Variants in TMEM119 observed in about 807,000 individuals in gnomAD.
TMEM119 encodes the protein transmembrane protein 119.
For synonymous variants in TMEM119, 182 were observed against 176.4 expected, an observed-to-expected ratio of 1.03 and a Z score of -0.25; for missense variants, 410 against 381.0, an observed-to-expected ratio of 1.08 and a Z score of -0.63.
chr12:108,592,255 C>T lies in TMEM119; in HGVS notation c.129G>A (p.Glu43=), dbSNP rs74504010. 288,667 of 1,589,990 alleles carry T rather than the reference C, an allele frequency of 0.18. 28,031 individuals are homozygous for T. Among genetic ancestry groups the T allele is most frequent in the East Asian group, 0.34 (14,866 of 43,468 alleles). Residue 43 remains glutamate (E), a synonymous_variant, in exon 2 of 2, where the codon GAG becomes GAA. Transcript: ENST00000392806. This position sits in a 1 kb window ranked among gnomAD's most constrained non-coding sequence, Gnocchi z 4.3. The part of the protein sequence containing the change: ...TFLEDVAGSG[E]AEGSSASSPS... The stretch of plus-strand genomic sequence containing the variant: ...GGGAGGAGGCCGACGAGCCCTCGGC[C>T]TCCCCACTACCCGCCACATCCTCCA...
At chr12:108,596,571 G>T (rs558864778) in intron 1 of TMEM119, among the ~76,000 whole-genome samples, 2 of 152,350 alleles carry the variant, frequency 1.3e-5, no homozygotes, top group East Asian at 3.9e-4. Context: ...TCCAGGGAAA[G>T]GTGGGGGCAA....
In TMEM119 at chr12:108,592,097, A is replaced by G; in HGVS notation, c.287T>C (p.Met96Thr). 4 of 1,614,180 alleles carry G rather than the reference A, an allele frequency of 2.5e-6. No homozygotes were observed. The highest frequency in any genetic ancestry group is 2.2e-5 in the South Asian group (2 of 91,088). ...CAGGGAGCCCACCACAGCAATCAGCATCACGTACTGGCGGAAGAAGTCCAC... is the reference window on the plus strand; with the variant it reads ...CAGGGAGCCCACCACAGCAATCAGCGTCACGTACTGGCGGAAGAAGTCCAC... Reference protein sequence around the residue: ...GIVDFFRQYVMLIAVVGSLAF... With the variant: ...GIVDFFRQYVTLIAVVGSLAF... Residue 96 changes from methionine to threonine, a missense_variant, in exon 2 of 2, where the codon ATG becomes ACG. Transcript: ENST00000392806. The surrounding 1 kb of genome is among the most constrained non-coding windows in gnomAD (Gnocchi z 4.3).
At chr12:108,596,429 AACACACAC>A (rs34838480) in intron 1 of TMEM119, among the ~76,000 whole-genome samples, 8 of 150,436 alleles carry the variant, frequency 5.3e-5, no homozygotes, top group Admixed American at 1.3e-4. Context: ...ATATACATAC[AACACACAC>A]ACACACACAC....
chr12:108,593,835 C>T (rs539388347), intron 1 of TMEM119, among the ~76,000 whole-genome samples: 1 of 152,344 alleles, frequency 6.6e-6, no homozygotes, highest in Admixed American at 6.5e-5. Context: ...CTGGGGGCTC[C>T]CAGCTGCTCA....
In TMEM119 at chr12:108,594,010, G is replaced by A. The variant is rs573799953; in HGVS notation, c.-14-1613C>T. Among the ~76,000 whole-genome samples, 15 of 152,314 alleles carry A rather than the reference G, an allele frequency of 9.8e-5. No individual in the cohort carries two copies. In the South Asian group the frequency reaches 2.5e-3, roughly 25 times the overall value. On this transcript the variant is annotated intron_variant, in intron 1 of 1. Transcript: ENST00000392806. The stretch of plus-strand genomic sequence containing the variant: ...AACTGAGGTGGAGAGACAGAGGCCC[G>A]GAGAAGGCAAAGGGCAGGCCCAGGG...
rs767490605 is a variant in TMEM119, at chr12:108,591,617, G to C, written c.767C>G (p.Ser256Cys). ...AGEGQGELEG[S>C]LLLAQEAQGP... ...CTGGGCTTCCTGGGCTAACAAGAGAGACCCTTCCAGCTCCCCTTGGCCCTC... is the reference window on the plus strand; with the variant it reads ...CTGGGCTTCCTGGGCTAACAAGAGACACCCTTCCAGCTCCCCTTGGCCCTC... Residue 256 changes from serine to cysteine, a missense_variant, in exon 2 of 2, where the codon TCT (serine) becomes TGT (cysteine). Physicochemically the swap from Ser to Cys is moderately radical, Grantham distance 112. Transcript: ENST00000392806. This position sits in a 1 kb window ranked among gnomAD's most constrained non-coding sequence, Gnocchi z 4.2. 8.1e-6 allele frequency: 13 copies of C among 1,613,920 alleles called. No homozygotes were observed. The South Asian group carries it at 1.3e-4, about 16-fold the overall frequency.
intron 1 of TMEM119, among the ~76,000 whole-genome samples, chr12:108,593,566 C>T (rs2031455138): frequency 6.6e-6 from 1 of 152,214 alleles, no homozygotes; most frequent in South Asian, 2.1e-4. Flanking sequence ...CACCCCCAGG[C>T]TCCAAGCAGG....
chr12:108,596,429 A>AACAC (rs34838480), intron 1 of TMEM119, among the ~76,000 whole-genome samples: 27,794 of 150,356 alleles, frequency 0.18, 3,467 homozygotes, highest in East Asian at 0.6. Context: ...ATATACATAC[A>AACAC]ACACACACAC....
chr12:108,595,734 G>A (rs1015331264), intron 1 of TMEM119, among the ~76,000 whole-genome samples: 7 of 151,968 alleles, frequency 4.6e-5, no homozygotes, highest in Admixed American at 2.0e-4. Flanking sequence ...GCTTGTTCCC[G>A]CTGGTGGACA....
rs1592804855 is a variant in TMEM119, at chr12:108,591,643, A to C, written c.741T>G (p.Gly247=). ...ACCCTTCCAGCTCCCCTTGGCCCTCACCGGCCACCACAGCCCCCTCAAGGA... is the reference window on the plus strand; with the variant it reads ...ACCCTTCCAGCTCCCCTTGGCCCTCCCCGGCCACCACAGCCCCCTCAAGGA... ...SGVLEGAVVA[G]EGQGELEGSL... The change falls in exon 2 of 2, where the codon GGT becomes GGG. Residue 247 remains glycine (G), a synonymous_variant. Transcript: ENST00000392806. The surrounding 1 kb of genome is among the most constrained non-coding windows in gnomAD (Gnocchi z 4.2). The C allele has an allele frequency of 6.2e-7, 1 of 1,613,824 alleles. No homozygotes were observed. The highest frequency in any genetic ancestry group is 8.5e-7 in the Non-Finnish European group (1 of 1,179,926).
At position 108,597,991 on chromosome 12, in the gene TMEM119, T is replaced by C. The variant is rs892340653; in HGVS notation, c.-36A>G. 1 of 152,504 alleles carries C rather than the reference T, an allele frequency of 6.6e-6. No individual in the cohort carries two copies. Among genetic ancestry groups the C allele is most frequent in the African/African-American group, 2.4e-5 (1 of 41,572 alleles). 9.4% of individuals were successfully genotyped at this position (152,504 alleles called of 1,614,324 possible). ...TCACCAGTTCCTTGGCGTACAGGAC[T>C]GGGTGCTCCCGCCGAATGGAGCGAG... is the stretch of plus-strand genomic sequence containing the variant. On this transcript the variant is annotated 5_prime_UTR_variant, in exon 1 of 2. Transcript: ENST00000392806.
chr12:108,592,453 C>A lies in TMEM119; in HGVS notation c.-14-56G>T. 6.8e-7 allele frequency: 1 copy of A among 1,479,830 alleles called. No individual in the cohort carries two copies. The highest frequency in any genetic ancestry group is 1.3e-5 in the South Asian group (1 of 74,414). 91.7% of individuals were successfully genotyped at this position (1,479,830 alleles called of 1,614,324 possible). ...GGCGGAACTCTAGAGTGTCAGGATT[C>A]AGAAACAGGCTCACCAGCCCCCAGG... On this transcript the variant is annotated intron_variant, in intron 1 of 1. Transcript: ENST00000392806. This position sits in a 1 kb window ranked among gnomAD's most constrained non-coding sequence, Gnocchi z 4.3.
chr12:108,593,717 C>T (rs1287081537), intron 1 of TMEM119, among the ~76,000 whole-genome samples: 1 of 152,244 alleles, frequency 6.6e-6, no homozygotes, highest in Non-Finnish European at 1.5e-5. Context: ...CGGGTGAACC[C>T]CAAGACCCCA....
Position 108,591,886 on chromosome 12 carries a change from C to T in TMEM119, c.498G>A (p.Leu166=). The T allele has an allele frequency of 4.3e-6, 7 of 1,611,528 alleles. No individual in the cohort carries two copies. The South Asian group carries it at 7.7e-5, about 18-fold the overall frequency. ...CGGCCTGGAGCTGCCGGGAGGAATC[C>T]AGGGCTTCCTCGGGCCTGCTGTCGG... ...RAPDSRPEEA[L]DSSRQLQADI... Residue 166 remains leucine, a synonymous_variant, in exon 2 of 2, where the codon CTG becomes CTA. Coordinates refer to ENST00000392806, the MANE Select transcript of TMEM119 (RefSeq NM_181724.3). This position sits in a 1 kb window ranked among gnomAD's most constrained non-coding sequence, Gnocchi z 4.2.
chr12:108,592,485 A>C lies in TMEM119; in HGVS notation c.-14-88T>G. The C allele has an allele frequency of 6.5e-6, 9 of 1,394,810 alleles. No homozygotes were observed. The highest frequency in any genetic ancestry group is 7.6e-6 in the Non-Finnish European group (8 of 1,054,702). The allele number at this position is 1,394,810 out of a possible 1,614,324, so 86.4% of individuals were successfully genotyped here. A position where few individuals can be genotyped will look rare whatever the true frequency, so the allele number is the denominator to read the frequency against. ...AGGCTCACCAGCCCCCAGGAGGAACAGGGAGCATGAAACACCTTCTAGCAA... is the reference window on the plus strand; with the variant it reads ...AGGCTCACCAGCCCCCAGGAGGAACCGGGAGCATGAAACACCTTCTAGCAA... On this transcript the variant is annotated intron_variant, in intron 1 of 1. Coordinates refer to ENST00000392806, the MANE Select transcript of TMEM119 (RefSeq NM_181724.3). The surrounding 1 kb of genome is among the most constrained non-coding windows in gnomAD (Gnocchi z 4.3).
chr12:108,595,369 G>T (rs572760347), intron 1 of TMEM119, among the ~76,000 whole-genome samples: 1,203 of 114,118 alleles, frequency 0.011, 17 homozygotes, highest in African/African-American at 0.04. Flanking sequence ...ATACACACAT[G>T]CACACACACC....
intron 1 of TMEM119, among the ~76,000 whole-genome samples, chr12:108,593,923 G>T (rs2031461719): frequency 6.6e-6 from 1 of 152,212 alleles, no homozygotes; most frequent in Admixed American, 6.5e-5. Flanking sequence ...CCGGAAGCGG[G>T]CTTGGGTCTA....
Position 108,591,892 on chromosome 12 carries a change from T to C in TMEM119, c.492A>G (p.Glu164=). The change falls in exon 2 of 2, where the codon GAA becomes GAG. Residue 164 remains glutamate (E), a synonymous_variant. Coordinates refer to ENST00000392806, the MANE Select transcript of TMEM119 (RefSeq NM_181724.3). The surrounding 1 kb of genome is among the most constrained non-coding windows in gnomAD (Gnocchi z 4.2). The stretch of plus-strand genomic sequence containing the variant: ...GGAGCTGCCGGGAGGAATCCAGGGC[T>C]TCCTCGGGCCTGCTGTCGGGGGCTC... ...PDRAPDSRPE[E]ALDSSRQLQA... is the part of the protein sequence containing the mutation. The C allele has an allele frequency of 3.1e-6, 5 of 1,611,790 alleles. No individual in the cohort carries two copies. Among genetic ancestry groups the C allele is most frequent in the Non-Finnish European group, 4.2e-6 (5 of 1,179,156 alleles).
In TMEM119 at chr12:108,591,856, G is replaced by T. The variant is rs769728506; in HGVS notation, c.528C>A (p.Ile176=). 1.2e-6 allele frequency: 2 copies of T among 1,605,692 alleles called. No individual in the cohort carries two copies. Among genetic ancestry groups the T allele is most frequent in the Non-Finnish European group, 1.7e-6 (2 of 1,176,356 alleles). Residue 176 remains isoleucine, a synonymous_variant, in exon 2 of 2, where the codon ATC becomes ATA. Coordinates refer to ENST00000392806, the MANE Select transcript of TMEM119 (RefSeq NM_181724.3). This position sits in a 1 kb window ranked among gnomAD's most constrained non-coding sequence, Gnocchi z 4.2. Reference sequence around the variant, plus strand: ...ACTTGAGGTTCTGGGTGGCGGCCAAGATGTCGGCCTGGAGCTGCCGGGAGG... The same window carrying T: ...ACTTGAGGTTCTGGGTGGCGGCCAATATGTCGGCCTGGAGCTGCCGGGAGG... The part of the protein sequence containing the change: ...LDSSRQLQAD[I]LAATQNLKSP...
Sources: allele counts gnomAD v4.1 joint callset (sites outside exome capture counted in the v4.1 genomes callset), GRCh38; gene constraint gnomAD v4.1.1; non-coding constraint Gnocchi (gnomAD v3.1); transcripts MANE v1.5; gene names NCBI Gene and HGNC (gene_info 2026-07-23, HGNC 2026-07-21).